Variants in ASCC3 observed in about 807,000 individuals in gnomAD.
ASCC3 encodes ASC-1 complex subunit P200.
Under a neutral mutation model 256.3 loss-of-function variants are expected in ASCC3, and 158 were observed. That is an observed-to-expected ratio of 0.62 (90% confidence interval 0.54 to 0.70). ASCC3 has a LOEUF of 0.70. Among genes scored for constraint, ASCC3 ranks in the 30% least tolerant of loss-of-function variants. The pLI, the probability that ASCC3 is intolerant of heterozygous loss-of-function variation, is 0.00. For synonymous variants in ASCC3, 948 were observed against 883.4 expected, an observed-to-expected ratio of 1.07 and a Z score of -1.30; for missense variants, 2,259 against 2,626.0, an observed-to-expected ratio of 0.86 and a Z score of 3.05.
chr6:100,537,148 T>C (rs1041414453), intron 37 of ASCC3, among the ~76,000 whole-genome samples: 3 of 152,168 alleles, frequency 2.0e-5, no homozygotes, highest in Non-Finnish European at 4.4e-5. Flanking sequence ...AGTAACTCTA[T>C]AGTGAAGAAG....
At chr6:100,695,514 C>T (rs575379332) in intron 13 of ASCC3, among the ~76,000 whole-genome samples, 3 of 152,122 alleles carry the variant, frequency 2.0e-5, no homozygotes, top group Non-Finnish European at 4.4e-5. Context: ...AAGTGCTAAA[C>T]AGACAGAGAA....
chr6:100,740,601 T>C (rs531256164), intron 10 of ASCC3, among the ~76,000 whole-genome samples: 3 of 152,358 alleles, frequency 2.0e-5, no homozygotes, highest in East Asian at 1.9e-4. Context: ...ACCTGCTTTA[T>C]GAATCTGGGT....
chr6:100,748,649 T>C (rs1327593085), intron 10 of ASCC3, among the ~76,000 whole-genome samples: 1 of 152,040 alleles, frequency 6.6e-6, no homozygotes, highest in Non-Finnish European at 1.5e-5. Context: ...TGTATTCGCC[T>C]GCTCAATATT....
chr6:100,809,129 C>T (rs1031594046), intron 4 of ASCC3, among the ~76,000 whole-genome samples: 1 of 151,528 alleles, frequency 6.6e-6, no homozygotes. Context: ...CTACCGTAGA[C>T]TTTATAAACA....
chr6:100,589,254 A>G (rs1030993254), intron 36 of ASCC3, among the ~76,000 whole-genome samples: 4 of 152,166 alleles, frequency 2.6e-5, no homozygotes, highest in Non-Finnish European at 5.9e-5. Context: ...AAACTTCAGT[A>G]GCATCACAGC....
chr6:100,871,770 T>C (rs1773753363), intron 1 of ASCC3, among the ~76,000 whole-genome samples: 2 of 152,176 alleles, frequency 1.3e-5, no homozygotes, highest in Non-Finnish European at 2.9e-5. Flanking sequence ...CTGAATTCAG[T>C]GCATAGCCTG....
At chr6:100,621,683 T>C (rs2114846410) in intron 30 of ASCC3, among the ~76,000 whole-genome samples, 1 of 152,264 alleles carries the variant, frequency 6.6e-6, no homozygotes, top group Non-Finnish European at 1.5e-5. Context: ...CGTGTGGCAA[T>C]TCCTCAAGGA....
chr6:100,842,408 T>C (rs914743724), intron 4 of ASCC3, among the ~76,000 whole-genome samples: 3 of 152,178 alleles, frequency 2.0e-5, no homozygotes, highest in Admixed American at 6.5e-5. Context: ...AAAACATTAT[T>C]TAACTTTTTC....
intron 24 of ASCC3, among the ~76,000 whole-genome samples, chr6:100,642,019 G>T (rs1157176392): frequency 2.0e-5 from 3 of 147,174 alleles, no homozygotes; most frequent in East Asian, 2.1e-4. Flanking sequence ...GTTGCGGAGT[G>T]GGGGGAGGGG....
chr6:100,818,106 A>G (rs1050084959), intron 4 of ASCC3, among the ~76,000 whole-genome samples: 1 of 152,228 alleles, frequency 6.6e-6, no homozygotes, highest in Non-Finnish European at 1.5e-5. Context: ...TAGAAAACCA[A>G]CTGATAGACT....
At chr6:100,628,421 T>G (rs1167699837) in intron 27 of ASCC3, among the ~76,000 whole-genome samples, 1 of 152,204 alleles carries the variant, frequency 6.6e-6, no homozygotes, top group African/African-American at 2.4e-5. Context: ...CATGTTTAAC[T>G]GTAATCTCCA....
At chr6:100,877,277 A>C (rs903660256) in intron 1 of ASCC3, among the ~76,000 whole-genome samples, 3 of 152,182 alleles carry the variant, frequency 2.0e-5, no homozygotes, top group African/African-American at 7.2e-5. Flanking sequence ...ACTGCAGATT[A>C]AGGGATAAAA....
At chr6:100,608,289 T>TTATATATATACTTTATA (rs201588169) in intron 30 of ASCC3, among the ~76,000 whole-genome samples, 1 of 22,400 alleles carries the variant, frequency 4.5e-5, no homozygotes, top group Non-Finnish European at 7.6e-5. Context: ...TATATATACT[T>TTATATATATACTTTATA]TATATATACC....
chr6:100,782,621 T>C (rs375901340), intron 8 of ASCC3, among the ~76,000 whole-genome samples: 8 of 152,182 alleles, frequency 5.3e-5, no homozygotes, highest in African/African-American at 1.2e-4. Flanking sequence ...CACAAATTAT[T>C]TGTAATACCA....
At chr6:100,638,315 TAC>T (rs1430681505) in intron 25 of ASCC3, among the ~76,000 whole-genome samples, 1 of 152,208 alleles carries the variant, frequency 6.6e-6, no homozygotes, top group Non-Finnish European at 1.5e-5. Flanking sequence ...ATAATGCTAT[TAC>T]ACACTAATAG....
At chr6:100,561,762 C>T (rs560131264) in intron 36 of ASCC3, among the ~76,000 whole-genome samples, 1 of 152,102 alleles carries the variant, frequency 6.6e-6, no homozygotes, top group African/African-American at 2.4e-5. Flanking sequence ...AAAGATGACA[C>T]CTGTTTGGCA....
intron 36 of ASCC3, among the ~76,000 whole-genome samples, chr6:100,570,309 C>T (rs1770520562): frequency 6.6e-6 from 1 of 152,150 alleles, no homozygotes; most frequent in Admixed American, 6.5e-5. Flanking sequence ...CTACCACTTC[C>T]AGTACTGTGT....
At chr6:100,578,183 AT>A (rs988021708) in intron 36 of ASCC3, among the ~76,000 whole-genome samples, 7 of 152,094 alleles carry the variant, frequency 4.6e-5, no homozygotes, top group African/African-American at 1.7e-4. Flanking sequence ...AAAGGCGAGA[AT>A]TCAGAGGATA....
At chr6:100,856,539 T>C (rs955476336) in intron 3 of ASCC3, 1 of 600,006 alleles carries the variant, frequency 1.7e-6, no homozygotes, top group Non-Finnish European at 2.1e-6. Flanking sequence ...CAAAGAATTA[T>C]CAAAAAACGA....
Sources: allele counts gnomAD v4.1 joint callset (sites outside exome capture counted in the v4.1 genomes callset), GRCh38; gene constraint gnomAD v4.1.1; transcripts MANE v1.5; gene names NCBI Gene and HGNC (gene_info 2026-07-23, HGNC 2026-07-21).